The following FAM76B variants were observed in gnomAD, a reference collection of about 807,000 sequenced individuals.
The protein encoded by FAM76B is protein FAM76B.
FAM76B carries 16 observed loss-of-function variants against 51.8 expected under a neutral mutation model. The ratio of observed to expected loss-of-function variants is 0.31; its 90% confidence interval spans 0.21 to 0.47. The LOEUF is 0.47. Ranked by LOEUF, FAM76B falls within the 20% of genes least tolerant of loss-of-function variation. FAM76B has a pLI of 1.00. For synonymous variants in FAM76B, 166 were observed against 129.5 expected (o/e 1.28, Z -1.91); for missense variants, 342 against 392.6 (o/e 0.87, Z 1.09).
intron 2 of FAM76B, 88 bp from the exon 3 acceptor site, chr11:95,787,766 T>A (rs772125576): frequency 3.4e-5 from 40 of 1,167,520 alleles, no homozygotes; most frequent in Admixed American, 4.6e-5. Flanking sequence ...CAAAGATTTG[T>A]TGTACTTAAA....
At chr11:95,789,185 G>C (rs1221020765) in intron 1 of FAM76B, 1 of 1,019,270 alleles carries the variant, frequency 9.8e-7, no homozygotes, top group Non-Finnish European at 1.4e-6. Flanking sequence ...GCCTGGAAAA[G>C]GGCACGATTC....
chr11:95,778,987 A>T, intron 7 of FAM76B, 30 bp from the exon 8 acceptor site: 1 of 1,604,226 alleles, frequency 6.2e-7, no homozygotes, highest in Non-Finnish European at 8.5e-7. Context: ...ACACAGTTAA[A>T]TGAAGTAGAA....
intron 1 of FAM76B, 96 bp from the exon 2 acceptor site, chr11:95,788,659 A>G (rs1860753322): frequency 1.5e-6 from 2 of 1,326,954 alleles, no homozygotes; most frequent in African/African-American, 1.5e-5. Context: ...TGAAAGTCTA[A>G]AACATTTATA....
At chr11:95,774,087 C>T (rs1199640848) in intron 9 of FAM76B, among the ~76,000 whole-genome samples, 1 of 151,144 alleles carries the variant, frequency 6.6e-6, no homozygotes, top group African/African-American at 2.4e-5. Context: ...CTAGCCATAA[C>T]ACAAAAAAAT....
chr11:95,780,200 G>C (rs1372658216), intron 5 of FAM76B, among the ~76,000 whole-genome samples: 1 of 151,838 alleles, frequency 6.6e-6, no homozygotes, highest in African/African-American at 2.4e-5. Context: ...ACAAAGGGTG[G>C]GTTACACAAG....
At chr11:95,783,538 T>C (rs1860390777) in intron 4 of FAM76B, among the ~76,000 whole-genome samples, 1 of 152,242 alleles carries the variant, frequency 6.6e-6, no homozygotes, top group Non-Finnish European at 1.5e-5. Flanking sequence ...TTACCTTTTT[T>C]CTTATTCCAG....
At chr11:95,787,457 G>T (rs538715570) in intron 3 of FAM76B, among the ~76,000 whole-genome samples, 167 bp downstream of exon 3, 3 of 152,218 alleles carry the variant, frequency 2.0e-5, no homozygotes, top group Admixed American at 1.3e-4. Flanking sequence ...AGCCAGGATG[G>T]TCTCCATCTC....
intron 2 of FAM76B, 117 bp from the exon 3 acceptor site, chr11:95,787,795 GATTT>G: frequency 1.3e-6 from 1 of 794,814 alleles, no homozygotes; most frequent in South Asian, 1.8e-5. Flanking sequence ...AAGGACCACG[GATTT>G]TTTTCAAATA....
chr11:95,774,327 A>G (rs1444232342), intron 9 of FAM76B, among the ~76,000 whole-genome samples: 2 of 151,398 alleles, frequency 1.3e-5, no homozygotes. Flanking sequence ...AAAATGTCCT[A>G]TTTAAATATT....
intron 3 of FAM76B, chr11:95,786,635 A>G (rs1219075069): frequency 1.2e-5 from 2 of 167,834 alleles, no homozygotes; most frequent in Non-Finnish European, 2.6e-5. Flanking sequence ...TCCTTCTACT[A>G]ATATCCTAGT....
At chr11:95,779,552 C>T in intron 7 of FAM76B, 55 bp downstream of exon 7, 1 of 1,450,340 alleles carries the variant, frequency 6.9e-7, no homozygotes, top group Non-Finnish European at 9.5e-7. Context: ...TGGCATTCAA[C>T]CATAACTATT....
chr11:95,782,190 A>T (rs1385586821), intron 5 of FAM76B, among the ~76,000 whole-genome samples: 8 of 152,248 alleles, frequency 5.3e-5, no homozygotes, highest in African/African-American at 1.7e-4. Flanking sequence ...TTTATACCAC[A>T]CACATCAAGG....
intron 1 of FAM76B, chr11:95,789,162 A>C (rs1591031567): frequency 1.7e-6 from 2 of 1,152,360 alleles, no homozygotes; most frequent in Non-Finnish European, 2.4e-6. Context: ...GGGGCCCGGC[A>C]CCCTCCTGGG....
intron 8 of FAM76B, among the ~76,000 whole-genome samples, chr11:95,777,171 G>C (rs180978809): frequency 6.6e-6 from 1 of 151,418 alleles, no homozygotes; most frequent in East Asian, 1.9e-4. Flanking sequence ...TCTGGCTCTA[G>C]AAATCATTAA....
Position 95,769,428 on chromosome 11 carries a change from T to C in FAM76B, c.*2133A>G, listed in dbSNP as rs1859674389. 6.6e-6 allele frequency: 1 copy of C among 152,240 alleles called. No individual in the cohort carries two copies. The highest frequency in any genetic ancestry group is 2.4e-5 in the African/African-American group (1 of 41,392). 9.4% of individuals were successfully genotyped at this position (152,240 alleles called of 1,614,324 possible). A position where few individuals can be genotyped will look rare whatever the true frequency, so the allele number is the denominator to read the frequency against. On this transcript the variant is annotated 3_prime_UTR_variant, in exon 10 of 10. Transcript: ENST00000358780. ...CATGAAAGGGTTTTAGCCTTGGAAT[T>C]TACAAAGCTAAATTATTAGACTGTT...
chr11:95,783,285 A>G, intron 4 of FAM76B, 21 bp from the exon 5 acceptor site: 2 of 1,606,740 alleles, frequency 1.2e-6, no homozygotes, highest in Non-Finnish European at 8.5e-7. Flanking sequence ...AATGTGTTAA[A>G]TTAAATGTAC....
At chr11:95,789,313 C>T (rs374277423) in intron 1 of FAM76B, 79 bp downstream of exon 1, 1 of 1,445,920 alleles carries the variant, frequency 6.9e-7, no homozygotes, top group Non-Finnish European at 9.5e-7. Context: ...CGAAGAGGGG[C>T]TGCAGTGCAG....
chr11:95,787,756 CAA>C, intron 2 of FAM76B, 78 bp from the exon 3 acceptor site: 2 of 1,240,506 alleles, frequency 1.6e-6, no homozygotes, highest in Non-Finnish European at 2.3e-6. Flanking sequence ...TAAAATGAGT[CAA>C]AGATTTGTTG....
At chr11:95,781,618 T>C (rs1007475362) in intron 5 of FAM76B, among the ~76,000 whole-genome samples, 22 of 152,266 alleles carry the variant, frequency 1.4e-4, no homozygotes, top group African/African-American at 5.3e-4. Context: ...AGGAGACATT[T>C]TGGGAGTCTT....
Sources: gnomAD v4.1 joint callset for allele counts (sites outside exome capture counted in the v4.1 genomes callset) on GRCh38, gnomAD v4.1.1 for gene constraint, MANE v1.5 for transcripts, NCBI Gene and HGNC (gene_info 2026-07-23, HGNC 2026-07-21) for gene names.